The following ACOT7 variants were observed in gnomAD, a reference collection of about 807,000 sequenced individuals.
ACOT7 encodes the protein cytosolic acyl coenzyme A thioester hydrolase.
ACOT7 carries 12 observed loss-of-function variants against 40.2 expected under a neutral mutation model. The ratio of observed to expected loss-of-function variants is 0.30; its 90% CI spans 0.19 to 0.48. The LOEUF (loss-of-function observed/expected upper bound fraction) is 0.48, where lower values mean the gene tolerates loss of function less well. ACOT7 is among the 20% of genes least tolerant of loss of function. ACOT7 has a pLI of 0.99. For synonymous variants in ACOT7, 228 were observed against 219.5 expected, an observed-to-expected ratio of 1.04 and a Z score of -0.34; for missense variants, 395 against 530.8, an observed-to-expected ratio of 0.74 and a Z score of 2.51.
chr1:6,335,741 T>C (rs1281107194), intron 3 of ACOT7, among the ~76,000 whole-genome samples: 1 of 152,218 alleles, frequency 6.6e-6, no homozygotes, highest in Non-Finnish European at 1.5e-5. Context: ...AGAAAAGGCC[T>C]GTGCCTGCCC....
At chr1:6,391,071 G>A (rs1462615822) in intron 1 of ACOT7, among the ~76,000 whole-genome samples, 2 of 146,646 alleles carry the variant, frequency 1.4e-5, no homozygotes, top group Non-Finnish European at 3.0e-5. Flanking sequence ...TGAGGCGGGA[G>A]GATCACCTGA....
chr1:6,356,931 AAG>A (rs1321912965), intron 1 of ACOT7, among the ~76,000 whole-genome samples: 2 of 148,834 alleles, frequency 1.3e-5, no homozygotes, highest in African/African-American at 5.0e-5. Context: ...AAAAAAAAAA[AAG>A]GACGACGACG....
chr1:6,312,768 G>A (rs1378417310), intron 6 of ACOT7, among the ~76,000 whole-genome samples: 1 of 152,098 alleles, frequency 6.6e-6, no homozygotes, highest in Non-Finnish European at 1.5e-5. Context: ...GCACCTGGCC[G>A]ATGTACTAAT....
At chr1:6,286,246 C>CA (rs1381561067) in intron 7 of ACOT7, among the ~76,000 whole-genome samples, 1 of 152,176 alleles carries the variant, frequency 6.6e-6, no homozygotes, top group East Asian at 1.9e-4. Flanking sequence ...ATGGATTAAC[C>CA]AAGAACAGCA....
At chr1:6,339,400 T>C (rs1557658103) in intron 3 of ACOT7, 33 bp downstream of exon 3, 53 of 1,611,598 alleles carry the variant, frequency 3.3e-5, no homozygotes, top group Non-Finnish European at 4.4e-5. Flanking sequence ...CGGCCCTTAC[T>C]GCTCCAGTCA....
At chr1:6,360,505 C>T (rs772634358) in intron 1 of ACOT7, 37 of 1,592,440 alleles carry the variant, frequency 2.3e-5, no homozygotes, top group Non-Finnish European at 3.0e-5. Flanking sequence ...AGGACAGGTC[C>T]TCCCAAACAC....
intron 2 of ACOT7, among the ~76,000 whole-genome samples, chr1:6,343,820 G>A (rs1042558352): frequency 3.3e-5 from 5 of 152,252 alleles, no homozygotes; most frequent in Non-Finnish European, 7.3e-5. Flanking sequence ...ACCTATGGGC[G>A]CATGCTTTTC....
chr1:6,328,790 G>A (rs957550392), intron 4 of ACOT7, among the ~76,000 whole-genome samples: 2 of 152,220 alleles, frequency 1.3e-5, no homozygotes, highest in Admixed American at 6.5e-5. Flanking sequence ...CGTAACAGAC[G>A]GTTCACTCAC....
intron 8 of ACOT7, 54 bp downstream of exon 8, chr1:6,281,048 G>C (rs182603115): frequency 4.4e-6 from 7 of 1,578,606 alleles, no homozygotes; most frequent in Admixed American, 3.5e-5. Context: ...CAAACACAGG[G>C]ACCCTAGGGC....
At chr1:6,314,156 T>G (rs1019185450) in intron 6 of ACOT7, among the ~76,000 whole-genome samples, 1 of 152,084 alleles carries the variant, frequency 6.6e-6, no homozygotes, top group Non-Finnish European at 1.5e-5. Context: ...AGAACAACCA[T>G]TGGCTTTCGT....
chr1:6,282,575 C>T lies in ACOT7; in HGVS notation c.830-1289G>A. On this transcript the variant is annotated intron_variant, in intron 7 of 8. Transcript: ENST00000361521. The surrounding 1 kb of genome is among the most constrained non-coding windows in gnomAD (Gnocchi z 4.5). ...CCCAGTGTCCTAGCTGCACCGAGAC[C>T]AGCCTCACAAGGCAGGTTTAGAGAC... The T allele has an allele frequency of 2.0e-6, 1 of 490,314 alleles. No individual in the cohort carries two copies. The highest frequency in any genetic ancestry group is 3.6e-6 in the Non-Finnish European group (1 of 278,576). The allele number at this position is 490,314 out of a possible 1,614,324, so 30.4% of individuals were successfully genotyped here.
chr1:6,391,957 C>T (rs1642539878), intron 1 of ACOT7, among the ~76,000 whole-genome samples: 1 of 151,118 alleles, frequency 6.6e-6, no homozygotes, highest in South Asian at 2.1e-4. Context: ...TTTTTTTGCC[C>T]CGCTTTCCCC....
intron 5 of ACOT7, among the ~76,000 whole-genome samples, chr1:6,323,917 G>C (rs1033391117): frequency 2.0e-5 from 3 of 151,806 alleles, no homozygotes; most frequent in Non-Finnish European, 4.4e-5. Context: ...ATGTGGGATG[G>C]ACAGGGGCTG....
chr1:6,294,841 G>C lies in ACOT7; in HGVS notation c.829+23C>G. On this transcript the variant is annotated intron_variant, in intron 7 of 8. Coordinates refer to ENST00000361521, the MANE Select transcript of ACOT7 (RefSeq NM_007274.4). The surrounding 1 kb of genome is among the most constrained non-coding windows in gnomAD (Gnocchi z 4.6). ...GCAGCCGAGGGCCACTGCCTCCCTCGTCTTTGCCAGAAGAGTGGTTACCTT... is the reference window on the plus strand; with the variant it reads ...GCAGCCGAGGGCCACTGCCTCCCTCCTCTTTGCCAGAAGAGTGGTTACCTT... 6.2e-7 allele frequency: 1 copy of C among 1,604,264 alleles called. No individual in the cohort carries two copies. Among genetic ancestry groups the C allele is most frequent in the Non-Finnish European group, 8.5e-7 (1 of 1,171,470 alleles).
intron 7 of ACOT7, among the ~76,000 whole-genome samples, chr1:6,285,884 T>C (rs920025214): frequency 1.7e-4 from 26 of 152,186 alleles, no homozygotes; most frequent in African/African-American, 6.3e-4. Context: ...CGCACCTGCC[T>C]TGTATACCAG....
Position 6,349,813 on chromosome 1 carries a change from A to T in ACOT7, c.197T>A (p.Ile66Asn). ...NVAGNVHGGT[I>N]LKMIEEAGAI... ...GCCTGCCTCCTCGATCATCTTCAGG[A>T]TGGTCCCCCCGTGGACATTGCCGGC... Residue 66 changes from isoleucine (I) to asparagine (N), a missense_variant, in exon 2 of 9, where the codon ATC becomes AAC. Ile to Asn is a moderately radical substitution (Grantham distance 149). Around this residue, in one of 2 missense-constraint regions of ACOT7, gnomAD observed 309 missense variants for 470.3 expected, o/e 0.66. Transcript: ENST00000361521. The T allele has an allele frequency of 6.2e-7, 1 of 1,614,102 alleles. No homozygotes were observed. The highest frequency in any genetic ancestry group is 8.5e-7 in the Non-Finnish European group (1 of 1,180,006).
At chr1:6,309,930 G>C (rs1275492670) in intron 6 of ACOT7, among the ~76,000 whole-genome samples, 1 of 152,220 alleles carries the variant, frequency 6.6e-6, no homozygotes, top group Non-Finnish European at 1.5e-5. Context: ...CCTTCCCTGT[G>C]TTATCTCGTC....
chr1:6,307,228 G>T (rs1299625247), intron 6 of ACOT7, among the ~76,000 whole-genome samples: 1 of 152,260 alleles, frequency 6.6e-6, no homozygotes. Context: ...GAGTTAGAGA[G>T]CGGTCATTAC....
At chr1:6,287,537 G>A (rs1187413275) in intron 7 of ACOT7, among the ~76,000 whole-genome samples, 3 of 152,240 alleles carry the variant, frequency 2.0e-5, no homozygotes, top group Non-Finnish European at 2.9e-5. Context: ...ACAGTTAAAC[G>A]TATCGGTGCC....
Sources: allele counts gnomAD v4.1 joint callset (sites outside exome capture counted in the v4.1 genomes callset), GRCh38; gene constraint gnomAD v4.1.1; regional missense constraint gnomAD v4.1.1; non-coding constraint Gnocchi (gnomAD v3.1); transcripts MANE v1.5; gene names NCBI Gene and HGNC (gene_info 2026-07-23, HGNC 2026-07-21).